MAP4K4: variants seen among roughly 807,000 people sequenced by gnomAD.
The protein encoded by MAP4K4 is HPK/GCK-like kinase HGK.
MAP4K4 carries 38 observed loss-of-function variants against 189.6 expected under a neutral mutation model. The observed-to-expected ratio is 0.20, with a 90% CI of 0.15 to 0.26. The LOEUF (loss-of-function observed/expected upper bound fraction) is 0.26. MAP4K4 is among the 10% of genes least tolerant of loss of function. The pLI is 1.00. For missense variants in MAP4K4, 1,054 were observed against 1,726.9 expected (o/e 0.61, Z 6.91); for synonymous variants, 610 against 624.3 (o/e 0.98, Z 0.34).
chr2:101,803,345 G>A (rs1270053090), intron 3 of MAP4K4, among the ~76,000 whole-genome samples: 1 of 152,008 alleles, frequency 6.6e-6, no homozygotes, highest in African/African-American at 2.4e-5. Context: ...ACTATTTGAT[G>A]ATTAAACAGT....
chr2:101,801,013 G>T (rs6543096), intron 3 of MAP4K4, among the ~76,000 whole-genome samples: 14,783 of 137,448 alleles, frequency 0.11, 1,199 homozygotes, highest in African/African-American at 0.25. Flanking sequence ...AACAAATTTT[G>T]TATAATCTAA....
intron 3 of MAP4K4, among the ~76,000 whole-genome samples, chr2:101,803,686 G>A (rs187857047): frequency 1.1e-3 from 166 of 152,236 alleles, no homozygotes; most frequent in African/African-American, 3.6e-3. Flanking sequence ...GTCTGTCAAC[G>A]TCTTGTGAAA....
chr2:101,744,304 A>G (rs1206817877), intron 2 of MAP4K4, among the ~76,000 whole-genome samples: 1 of 152,238 alleles, frequency 6.6e-6, no homozygotes, highest in Non-Finnish European at 1.5e-5. Context: ...TTTAACAAAT[A>G]CATTAATTAG....
exon 5 of MAP4K4, chr2:101,825,408 C>T (rs751204757): frequency 3.7e-6 from 6 of 1,613,270 alleles, no homozygotes; most frequent in Admixed American, 1.7e-5. Context: ...GGATCGCTTA[C>T]ATCTCCAGAG....
chr2:101,807,231 A>T (rs2095039779), intron 3 of MAP4K4, among the ~76,000 whole-genome samples: 1 of 151,294 alleles, frequency 6.6e-6, no homozygotes, highest in South Asian at 2.1e-4. Context: ...TTTATTTTTT[A>T]ATTTTTTTTA....
At chr2:101,831,944 C>A in intron 7 of MAP4K4, 93 bp downstream of exon 7, 2 of 1,440,058 alleles carry the variant, frequency 1.4e-6, no homozygotes, top group Non-Finnish European at 1.9e-6. Context: ...CCTTGTCTGC[C>A]TGCCTTTTCA....
chr2:101,893,255 T>TAAAGAC (rs1192591367), exon 33 of MAP4K4: 1 of 456,412 alleles, frequency 2.2e-6, no homozygotes, highest in Non-Finnish European at 4.4e-6. Context: ...TGTATACCTG[T>TAAAGAC]AAAGACAAGC....
intron 20 of MAP4K4, 158 bp downstream of exon 20, chr2:101,867,467 C>T (rs2097850140): frequency 1.3e-5 from 8 of 600,288 alleles, no homozygotes; most frequent in East Asian, 2.8e-5. Flanking sequence ...ATACTTGTTC[C>T]CTTCCATTGG....
chr2:101,871,169 A>G (rs2098002200), intron 23 of MAP4K4, among the ~76,000 whole-genome samples: 1 of 152,208 alleles, frequency 6.6e-6, no homozygotes, highest in African/African-American at 2.4e-5. Flanking sequence ...ATCCACAGGT[A>G]CTTTCTGGAG....
In MAP4K4 at chr2:101,834,194, CTCCCTCCA is replaced by C. The variant is rs568532982; in HGVS notation, c.640-183_640-176del. Among the ~76,000 whole-genome samples, 646 of 125,550 alleles carry C rather than the reference CTCCCTCCA, an allele frequency of 5.1e-3. 9 individuals are homozygous for C. The highest frequency in any genetic ancestry group is 0.017 in the African/African-American group (546 of 32,080). The allele number at this position is 125,550 out of a possible 152,430, so 82.4% of individuals were successfully genotyped here. On this transcript the variant is annotated intron_variant, in intron 7 of 32. Transcript: ENST00000324219. ...TCCTTCCCTCCCTTCCCTCCCTCCC[CTCCCTCCA>C]TCCCTCCATCCCTCCATCCCTCCAT...
chr2:101,854,168 C>T (rs949777023), intron 12 of MAP4K4, among the ~76,000 whole-genome samples: 3 of 152,062 alleles, frequency 2.0e-5, no homozygotes, highest in Non-Finnish European at 2.9e-5. Context: ...AGAAAGAATA[C>T]CTGATTTCTT....
intron 2 of MAP4K4, among the ~76,000 whole-genome samples, chr2:101,760,487 CA>C (rs1209630895): frequency 1.1e-3 from 94 of 84,460 alleles, no homozygotes; most frequent in Non-Finnish European, 1.3e-3. Context: ...GACTCCATCT[CA>C]AAAAAAAAAA....
chr2:101,721,269 G>C (rs1327180161), intron 2 of MAP4K4, among the ~76,000 whole-genome samples: 6 of 152,040 alleles, frequency 3.9e-5, no homozygotes, highest in African/African-American at 1.4e-4. Context: ...ACTTCTGAAT[G>C]GCTTTGGAGA....
intron 18 of MAP4K4, among the ~76,000 whole-genome samples, chr2:101,865,922 C>CT (rs1329825582): frequency 2.0e-5 from 3 of 152,190 alleles, no homozygotes; most frequent in Non-Finnish European, 4.4e-5. Flanking sequence ...CACATGTGTG[C>CT]TTTGGGTCCA....
chr2:101,760,285 T>C (rs1402468659), intron 2 of MAP4K4, among the ~76,000 whole-genome samples: 1 of 151,808 alleles, frequency 6.6e-6, no homozygotes, highest in Non-Finnish European at 1.5e-5. Flanking sequence ...GGTCAAGAGA[T>C]TGAGACCGTC....
At chr2:101,892,880 A>T (rs1259423868) in exon 33 of MAP4K4, 1 of 456,336 alleles carries the variant, frequency 2.2e-6, no homozygotes, top group African/African-American at 2.0e-5. Flanking sequence ...TCAGGACTCC[A>T]TGTCACAGTC....
chr2:101,865,309 G>A (rs577448278), intron 18 of MAP4K4, among the ~76,000 whole-genome samples: 4 of 152,196 alleles, frequency 2.6e-5, no homozygotes, highest in Non-Finnish European at 5.9e-5. Flanking sequence ...CAGCAAGGAA[G>A]GGGGAGAAGT....
intron 2 of MAP4K4, among the ~76,000 whole-genome samples, chr2:101,760,839 A>G (rs2076060183): frequency 6.6e-6 from 1 of 152,214 alleles, no homozygotes; most frequent in African/African-American, 2.4e-5. Flanking sequence ...CCCCATCTCT[A>G]CTAAAAATAC....
intron 3 of MAP4K4, among the ~76,000 whole-genome samples, chr2:101,796,443 A>G (rs551536304): frequency 2.4e-4 from 36 of 152,342 alleles, no homozygotes; most frequent in Admixed American, 8.5e-4. Flanking sequence ...TGCAGCTCAG[A>G]GACGCTAATA....
Sources: gnomAD v4.1 joint callset for allele counts (sites outside exome capture counted in the v4.1 genomes callset) on GRCh38, gnomAD v4.1.1 for gene constraint, MANE v1.5 for transcripts, NCBI Gene and HGNC (gene_info 2026-07-23, HGNC 2026-07-21) for gene names.